The following RAB8B variants were observed in gnomAD, a reference collection of about 807,000 sequenced individuals.
RAB8B encodes RAB8B, member RAS oncogene family, also known as ras-related protein Rab-8B.
Under a neutral mutation model 32.0 loss-of-function variants are expected in RAB8B, and 11 were observed. The observed-to-expected ratio is 0.34, with a 90% CI of 0.22 to 0.57. The LOEUF (loss-of-function observed/expected upper bound fraction) is 0.57. RAB8B is among the 20% of genes least tolerant of loss of function. The probability of loss-of-function intolerance (pLI) is 0.86; values close to 1 mark genes in which losing one functional copy is unlikely to be tolerated. For synonymous variants in RAB8B, 103 were observed against 89.6 expected (o/e 1.15, Z -0.85); for missense variants, 190 against 258.5 (o/e 0.73, Z 1.82).
chr15:63,246,552 G>A (rs2038074030), intron 2 of RAB8B, among the ~76,000 whole-genome samples: 1 of 152,202 alleles, frequency 6.6e-6, no homozygotes, highest in African/African-American at 2.4e-5. Context: ...GTGGGAAGGA[G>A]TGAGGAACTT....
At chr15:63,252,719 A>G (rs894786714) in intron 3 of RAB8B, among the ~76,000 whole-genome samples, 1 of 150,462 alleles carries the variant, frequency 6.6e-6, no homozygotes, top group Non-Finnish European at 1.5e-5. Flanking sequence ...CATTTTGACC[A>G]TTTTAAAATG....
At chr15:63,197,272 A>C (rs2037608252) in intron 1 of RAB8B, among the ~76,000 whole-genome samples, 1 of 151,144 alleles carries the variant, frequency 6.6e-6, no homozygotes, top group Non-Finnish European at 1.5e-5. Flanking sequence ...TACAGAAAAA[A>C]ATGATCATTT....
intron 1 of RAB8B, among the ~76,000 whole-genome samples, chr15:63,190,980 A>C (rs983015276): frequency 6.6e-6 from 1 of 152,230 alleles, no homozygotes; most frequent in East Asian, 1.9e-4. Context: ...CACTGTGTTC[A>C]GGTAATAAGA....
At chr15:63,221,945 A>G (rs746052014) in intron 1 of RAB8B, among the ~76,000 whole-genome samples, 2 of 152,136 alleles carry the variant, frequency 1.3e-5, no homozygotes, top group Non-Finnish European at 2.9e-5. Context: ...TAACAGTCAC[A>G]TATTTGATTA....
chr15:63,213,805 A>G (rs1044152775), intron 1 of RAB8B, among the ~76,000 whole-genome samples: 1 of 152,176 alleles, frequency 6.6e-6, no homozygotes, highest in African/African-American at 2.4e-5. Context: ...TTTCCAGGCC[A>G]GGCGCGGTGG....
At chr15:63,247,513 C>T (rs1453796706) in intron 2 of RAB8B, among the ~76,000 whole-genome samples, 1 of 151,988 alleles carries the variant, frequency 6.6e-6, no homozygotes, top group Non-Finnish European at 1.5e-5. Context: ...TTTTTTTAAC[C>T]TCCTAGAAGC....
rs1433111924 is a variant in RAB8B, at chr15:63,197,345, T to TCTTTCTTTC, written c.124+7597_124+7598insCTTTCTTTC. 3.1e-3 allele frequency among the ~76,000 whole-genome samples: 455 copies of TCTTTCTTTC among 146,490 alleles called. 3 individuals carry two copies. Among genetic ancestry groups the TCTTTCTTTC allele is most frequent in the African/African-American group, 0.011 (441 of 38,712 alleles). On this transcript the variant is annotated intron_variant, in intron 1 of 7. Coordinates refer to ENST00000321437, the MANE Select transcript of RAB8B (RefSeq NM_016530.3). ...TGTCTTGAAGTGGCTTTCTTTTTTT[T>TCTTTCTTTC]TTTCTTTCTTTCTTTCTTTCTTTTC...
chr15:63,252,079 C>T (rs1164620601), intron 3 of RAB8B, among the ~76,000 whole-genome samples: 1 of 151,816 alleles, frequency 6.6e-6, no homozygotes, highest in Non-Finnish European at 1.5e-5. Flanking sequence ...TAGACCAACA[C>T]CATCTTCTGA....
intron 3 of RAB8B, 74 bp from the exon 4 acceptor site, chr15:63,255,433 G>C (rs185901786): frequency 1.0e-6 from 1 of 972,980 alleles, no homozygotes; most frequent in East Asian, 2.8e-5. Context: ...CTGGAGGGTA[G>C]GAGTACATTG....
At chr15:63,231,293 C>G (rs542657685) in intron 1 of RAB8B, among the ~76,000 whole-genome samples, 12 of 152,166 alleles carry the variant, frequency 7.9e-5, no homozygotes, top group Admixed American at 3.9e-4. Context: ...ATTTTTTTAG[C>G]TTTCATTTAC....
At chr15:63,193,618 C>T (rs548785755) in intron 1 of RAB8B, among the ~76,000 whole-genome samples, 8 of 152,136 alleles carry the variant, frequency 5.3e-5, no homozygotes, top group East Asian at 1.9e-4. Flanking sequence ...GAGACCATCC[C>T]GGCTAATACG....
rs115042436 is a variant in RAB8B at position 63,222,907 on chromosome 15, G to A, written c.125-21849G>A. On this transcript the variant is annotated intron_variant, in intron 1 of 7. Coordinates refer to ENST00000321437, the MANE Select transcript of RAB8B (RefSeq NM_016530.3). ...GTGACATCATAACTATTGTAATGTT[G>A]TACTACAGTTACCTTATTTTTTAAA... 464 of 299,234 alleles carry A rather than the reference G, an allele frequency of 1.6e-3. 3 individuals are homozygous for A. The highest frequency in any genetic ancestry group is 8.2e-3 in the African/African-American group (362 of 43,994). The allele number at this position is 299,234 out of a possible 1,614,324, so 18.5% of individuals were successfully genotyped here.
At chr15:63,262,945 T>G (rs2038214517) in intron 7 of RAB8B, among the ~76,000 whole-genome samples, 2 of 152,170 alleles carry the variant, frequency 1.3e-5, no homozygotes, top group South Asian at 4.1e-4. Flanking sequence ...TTCTTCTGGC[T>G]CTTTAAGTGA....
chr15:63,232,756 G>A (rs1171855523), intron 1 of RAB8B, among the ~76,000 whole-genome samples: 1 of 151,944 alleles, frequency 6.6e-6, no homozygotes, highest in African/African-American at 2.4e-5. Flanking sequence ...AAAATGCCCC[G>A]TTTTCCTCTG....
In RAB8B at chr15:63,264,129, A is replaced by G. The variant is rs1392427241; in HGVS notation, c.*510A>G. On this transcript the variant is annotated 3_prime_UTR_variant, in exon 8 of 8. Coordinates refer to ENST00000321437, the MANE Select transcript of RAB8B (RefSeq NM_016530.3). ...TTTATTTAAGGGCTTTTTCTTAAAT[A>G]AGAATCATTAAAGTCATTAAAAAAA... The G allele has an allele frequency of 1.3e-5, 2 of 152,416 alleles. No homozygotes were observed. The highest frequency in any genetic ancestry group is 3.9e-4 in the East Asian group (2 of 5,192). 9.4% of individuals were successfully genotyped at this position (152,416 alleles called of 1,614,324 possible).
At chr15:63,202,888 G>T (rs1029188408) in intron 1 of RAB8B, among the ~76,000 whole-genome samples, 1 of 152,192 alleles carries the variant, frequency 6.6e-6, no homozygotes, top group Non-Finnish European at 1.5e-5. Context: ...AGAGAAACCC[G>T]AGCAACTCAG....
chr15:63,263,776 C>T lies in RAB8B; in HGVS notation c.*157C>T, dbSNP rs2038221020. On this transcript the variant is annotated 3_prime_UTR_variant, in exon 8 of 8. Coordinates refer to ENST00000321437, the MANE Select transcript of RAB8B (RefSeq NM_016530.3). Reference sequence around the variant, plus strand: ...CACAGTATGCCAAGTGGATTCCAGCCTCATGGCCTAGCAAAAGAACAGACT... The same window carrying T: ...CACAGTATGCCAAGTGGATTCCAGCTTCATGGCCTAGCAAAAGAACAGACT... The T allele has an allele frequency of 1.9e-6, 1 of 527,202 alleles. No homozygotes were observed. Among genetic ancestry groups the T allele is most frequent in the Non-Finnish European group, 3.3e-6 (1 of 298,628 alleles). The allele number at this position is 527,202 out of a possible 1,614,324, so 32.7% of individuals were successfully genotyped here. A position where few individuals can be genotyped will look rare whatever the true frequency, so the allele number is the denominator to read the frequency against.
chr15:63,200,291 C>A (rs2037636648), intron 1 of RAB8B, among the ~76,000 whole-genome samples: 1 of 152,096 alleles, frequency 6.6e-6, no homozygotes, highest in South Asian at 2.1e-4. Context: ...TTCAAACAAG[C>A]CTGTATTGAT....
At chr15:63,204,135 C>T (rs1282751309) in intron 1 of RAB8B, among the ~76,000 whole-genome samples, 1 of 152,000 alleles carries the variant, frequency 6.6e-6, no homozygotes, top group Non-Finnish European at 1.5e-5. Context: ...GCATGAGTTC[C>T]ATACAAAATA....
Sources: gnomAD v4.1 joint callset for allele counts (sites outside exome capture counted in the v4.1 genomes callset) on GRCh38, gnomAD v4.1.1 for gene constraint, MANE v1.5 for transcripts, NCBI Gene and HGNC (gene_info 2026-07-23, HGNC 2026-07-21) for gene names.